Variants in LAMA2 observed in about 807,000 individuals in gnomAD.
LAMA2 encodes laminin subunit alpha-2.
Under a neutral mutation model 364.8 loss-of-function variants are expected in LAMA2, and 269 were observed. That is an observed-to-expected ratio of 0.74 (90% confidence interval 0.67 to 0.82). The LOEUF (loss-of-function observed/expected upper bound fraction) is 0.82, where lower values mean the gene tolerates loss of function less well. Among genes scored for constraint, LAMA2 ranks in the 40% least tolerant of loss-of-function variants. LAMA2 has a pLI of 0.00. For synonymous variants in LAMA2, 1,379 were observed against 1,370.6 expected, an observed-to-expected ratio of 1.01 and a Z score of -0.14; for missense variants, 3,807 against 3,873.2, an observed-to-expected ratio of 0.98 and a Z score of 0.45.
At chr6:129,404,208 C>A (rs1780129722) in intron 40 of LAMA2, among the ~76,000 whole-genome samples, 1 of 151,700 alleles carries the variant, frequency 6.6e-6, no homozygotes, top group Non-Finnish European at 1.5e-5. Context: ...TTTGTGCTAC[C>A]AACTCACAAA....
At chr6:129,119,904 A>G (rs1416609991) in intron 4 of LAMA2, among the ~76,000 whole-genome samples, 7 of 152,204 alleles carry the variant, frequency 4.6e-5, no homozygotes, top group Non-Finnish European at 1.0e-4. Context: ...CAATTAATAA[A>G]TATGTCTAAG....
intron 31 of LAMA2, among the ~76,000 whole-genome samples, chr6:129,351,336 C>T (rs919176011): frequency 6.6e-6 from 1 of 152,042 alleles, no homozygotes; most frequent in African/African-American, 2.4e-5. Flanking sequence ...TTGTTAATAT[C>T]CAGTAGTATT....
chr6:129,128,350 T>C (rs77233670), intron 4 of LAMA2, among the ~76,000 whole-genome samples: 5,867 of 152,266 alleles, frequency 0.039, 387 homozygotes, highest in African/African-American at 0.13. Context: ...TGCATTGACC[T>C]ATATTTCTTT....
intron 4 of LAMA2, among the ~76,000 whole-genome samples, chr6:129,121,555 T>A (rs1047554141): frequency 6.6e-6 from 1 of 152,188 alleles, no homozygotes. Flanking sequence ...AGAAGTGGCA[T>A]AGCCTCATGA....
intron 1 of LAMA2, among the ~76,000 whole-genome samples, chr6:128,978,756 T>C (rs1163460122): frequency 6.6e-6 from 1 of 152,210 alleles, no homozygotes; most frequent in African/African-American, 2.4e-5. Context: ...ATCTACAAGA[T>C]AGACAGCAGT....
intron 2 of LAMA2, among the ~76,000 whole-genome samples, chr6:129,057,957 C>G (rs1788603157): frequency 6.6e-6 from 1 of 152,140 alleles, no homozygotes; most frequent in East Asian, 1.9e-4. Context: ...TTATGAAATT[C>G]TCAAGACTGA....
intron 8 of LAMA2, among the ~76,000 whole-genome samples, chr6:129,156,628 C>T (rs1454258882): frequency 6.6e-6 from 1 of 151,470 alleles, no homozygotes; most frequent in Non-Finnish European, 1.5e-5. Flanking sequence ...GAATTCACTT[C>T]AATAAGAAGT....
chr6:129,295,199 A>T (rs1460885620), intron 20 of LAMA2, among the ~76,000 whole-genome samples: 5 of 152,202 alleles, frequency 3.3e-5, no homozygotes, highest in African/African-American at 7.2e-5. Context: ...TCAATAAAAA[A>T]GTGGTGAGAA....
chr6:129,158,066 G>T (rs577285599), intron 8 of LAMA2: 1 of 1,612,172 alleles, frequency 6.2e-7, no homozygotes, highest in Non-Finnish European at 8.5e-7. Context: ...GCTTTCCTTG[G>T]GTGCCATACG....
intron 20 of LAMA2, among the ~76,000 whole-genome samples, chr6:129,295,807 G>GTA (rs56138778): frequency 0.99 from 150,640 of 151,408 alleles, 74,943 homozygotes; most frequent in South Asian, 1. Flanking sequence ...ATATGAGTGT[G>GTA]TATATATATG....
At chr6:129,011,802 G>A (rs988512710) in intron 1 of LAMA2, among the ~76,000 whole-genome samples, 2 of 152,112 alleles carry the variant, frequency 1.3e-5, no homozygotes, top group Non-Finnish European at 1.5e-5. Context: ...AAATGTGTCT[G>A]GTAATTCATT....
Position 129,514,450 on chromosome 6 carries a change from T to G in LAMA2, c.9066T>G (p.Asp3022Glu). ...YDAGVPGHLC[D>E]GQWHKVTANK... ...CTGGGGTTCCAGGGCATTTGTGTGA[T>G]GGACAATGGCATAAAGTCACTGCCA... Residue 3022 changes from aspartate (D) to glutamate (E), a missense_variant, in exon 64 of 65, where the codon GAT (aspartate) becomes GAG (glutamate). Transcript: ENST00000421865. The G allele has an allele frequency of 6.2e-7, 1 of 1,614,050 alleles. No homozygotes were observed. Among genetic ancestry groups the G allele is most frequent in the South Asian group, 1.1e-5 (1 of 91,076 alleles).
chr6:128,955,908 T>G (rs1781114643), intron 1 of LAMA2, among the ~76,000 whole-genome samples: 1 of 151,716 alleles, frequency 6.6e-6, no homozygotes, highest in African/African-American at 2.4e-5. Context: ...TCAGTGTATC[T>G]AAATAGACTA....
At chr6:129,108,640 T>C (rs969967063) in intron 4 of LAMA2, among the ~76,000 whole-genome samples, 1 of 152,100 alleles carries the variant, frequency 6.6e-6, no homozygotes. Flanking sequence ...ACTTACATTT[T>C]CCCTTCAATA....
At chr6:129,413,766 G>A (rs1334488524) in intron 40 of LAMA2, among the ~76,000 whole-genome samples, 1 of 152,106 alleles carries the variant, frequency 6.6e-6, no homozygotes, top group Non-Finnish European at 1.5e-5. Context: ...AAATAAAGTG[G>A]TACCAACAGG....
chr6:129,325,632 A>G (rs958737481), intron 28 of LAMA2, among the ~76,000 whole-genome samples: 7 of 152,004 alleles, frequency 4.6e-5, no homozygotes, highest in African/African-American at 1.7e-4. Flanking sequence ...AATTTAATCC[A>G]TCAGGATACG....
At position 129,177,869 on chromosome 6, in the gene LAMA2, A is replaced by G. The variant is rs774057744; in HGVS notation, c.1467+3A>G. Reference sequence around the variant, plus strand: ...GTTTTGGCCCCTGTATCTGCAAGGTACATTGTTTATTCCAGTAATGTCCCA... The same window carrying G: ...GTTTTGGCCCCTGTATCTGCAAGGTGCATTGTTTATTCCAGTAATGTCCCA... On this transcript the variant is annotated splice_donor_region_variant and intron_variant, in intron 10 of 64. Transcript: ENST00000421865. The G allele has an allele frequency of 5.0e-6, 8 of 1,613,568 alleles. No individual in the cohort carries two copies. In the East Asian group the frequency reaches 1.6e-4, roughly 31 times the overall value.
At chr6:128,948,267 C>A (rs4292545) in intron 1 of LAMA2, among the ~76,000 whole-genome samples, 91,343 of 151,966 alleles carry the variant, frequency 0.6, 30,915 homozygotes, top group East Asian at 0.82. Context: ...GTGCTATAAA[C>A]CTGTAGTGGG....
intron 1 of LAMA2, among the ~76,000 whole-genome samples, chr6:128,925,148 A>C (rs1779005553): frequency 6.6e-6 from 1 of 152,352 alleles, no homozygotes; most frequent in South Asian, 2.1e-4. Flanking sequence ...ATAGGATCCA[A>C]CAATTCCACT....
Sources: gnomAD v4.1 joint callset for allele counts (sites outside exome capture counted in the v4.1 genomes callset) on GRCh38, gnomAD v4.1.1 for gene constraint, MANE v1.5 for transcripts, NCBI Gene and HGNC (gene_info 2026-07-23, HGNC 2026-07-21) for gene names.